Variants in ALG14 observed in about 807,000 individuals in gnomAD.
The protein encoded by ALG14 is ALG14 UDP-N-acetylglucosaminyltransferase subunit, also known as UDP-N-acetylglucosamine transferase subunit ALG14.
A neutral mutation model predicts 22.8 loss-of-function variants in ALG14; 17 were observed. That is an observed-to-expected ratio of 0.75 (90% CI 0.51 to 1.12). ALG14 has a LOEUF of 1.12. Among genes scored for constraint, ALG14 ranks in the 50% most tolerant of loss-of-function variants. ALG14 has a pLI of 0.00. For synonymous variants in ALG14, 89 were observed against 103.7 expected (o/e 0.86, Z 0.86); for missense variants, 288 against 271.8 (o/e 1.06, Z -0.42).
chr1:95,070,414 C>A (rs1308530916), intron 1 of ALG14, among the ~76,000 whole-genome samples: 16 of 152,216 alleles, frequency 1.1e-4, no homozygotes, highest in Non-Finnish European at 1.8e-4. Context: ...CTTCAGAGGG[C>A]AAAAGGGAAG....
chr1:95,055,328 G>A (rs1674888362), intron 2 of ALG14, among the ~76,000 whole-genome samples: 1 of 152,068 alleles, frequency 6.6e-6, no homozygotes, highest in South Asian at 2.1e-4. Flanking sequence ...TTAGAATCTA[G>A]TAAGTAGATC....
intron 3 of ALG14, among the ~76,000 whole-genome samples, chr1:95,016,939 AGG>A (rs1254937803): frequency 5.3e-4 from 61 of 115,068 alleles, no homozygotes; most frequent in African/African-American, 1.9e-3. Context: ...ATTTTGCAAA[AGG>A]GGTGTGTGTG....
chr1:95,006,872 T>C (rs1673233950), intron 3 of ALG14, among the ~76,000 whole-genome samples: 1 of 152,250 alleles, frequency 6.6e-6, no homozygotes, highest in Non-Finnish European at 1.5e-5. Flanking sequence ...TTCCTCCAAC[T>C]GTTTCTTATA....
At chr1:95,057,841 A>G (rs2100826623) in intron 2 of ALG14, among the ~76,000 whole-genome samples, 1 of 152,066 alleles carries the variant, frequency 6.6e-6, no homozygotes, top group Non-Finnish European at 1.5e-5. Context: ...CTAAGGAAAG[A>G]GAATCAAACT....
At chr1:94,997,580 C>T (rs953161315) in intron 3 of ALG14, among the ~76,000 whole-genome samples, 13 of 152,164 alleles carry the variant, frequency 8.5e-5, no homozygotes, top group Admixed American at 1.3e-4. Flanking sequence ...GGATTGCATC[C>T]TGGCTCTACC....
At chr1:95,024,072 T>C (rs1396226084) in intron 3 of ALG14, among the ~76,000 whole-genome samples, 2 of 152,216 alleles carry the variant, frequency 1.3e-5, no homozygotes, top group African/African-American at 4.8e-5. Flanking sequence ...TTCTTCTCCT[T>C]GAAACAAATT....
At chr1:95,044,707 C>T (rs1674489698) in intron 2 of ALG14, among the ~76,000 whole-genome samples, 1 of 152,114 alleles carries the variant, frequency 6.6e-6, no homozygotes, top group Non-Finnish European at 1.5e-5. Flanking sequence ...TTACTATTTT[C>T]TTCTTCACTA....
intron 2 of ALG14, among the ~76,000 whole-genome samples, chr1:95,043,292 T>C (rs1674441453): frequency 6.6e-6 from 1 of 152,136 alleles, no homozygotes; most frequent in Non-Finnish European, 1.5e-5. Context: ...AGGCCCCCCA[T>C]ACACACGTTA....
intron 3 of ALG14, among the ~76,000 whole-genome samples, chr1:95,012,970 T>A (rs937094734): frequency 6.6e-6 from 1 of 151,972 alleles, no homozygotes; most frequent in Non-Finnish European, 1.5e-5. Context: ...CCTTCTCTAC[T>A]AATAATACAA....
intron 2 of ALG14, among the ~76,000 whole-genome samples, chr1:95,033,675 G>A (rs1377736247): frequency 6.6e-6 from 1 of 151,940 alleles, no homozygotes; most frequent in Non-Finnish European, 1.5e-5. Flanking sequence ...GGACCGAAAG[G>A]AGAGAGGAGG....
chr1:95,027,723 C>T lies in ALG14; in HGVS notation c.289-463G>A, dbSNP rs76048699. 3.7e-3 allele frequency among the ~76,000 whole-genome samples: 565 copies of T among 152,290 alleles called. 6 individuals carry two copies. The highest frequency in any genetic ancestry group is 0.013 in the African/African-American group (527 of 41,556). On this transcript the variant is annotated intron_variant, in intron 2 of 3. Coordinates refer to ENST00000370205, the MANE Select transcript of ALG14 (RefSeq NM_144988.4). ...TCATTTTCGCCTACCTGATTGGCAA[C>T]GACAGTGGATAACCAGTGTTGTTGA... is the stretch of plus-strand genomic sequence containing the variant.
At chr1:95,058,659 C>G (rs1675027292) in intron 2 of ALG14, among the ~76,000 whole-genome samples, 1 of 141,082 alleles carries the variant, frequency 7.1e-6, no homozygotes, top group African/African-American at 2.6e-5. Flanking sequence ...GCTGAAAAGA[C>G]TCTGGAAATA....
rs374257282 is a variant in ALG14 at position 94,994,316 on chromosome 1, ATTTT to A, written c.421-11014_421-11011del. ...GGGTTTTAAACCCTACTAACCCAGTATTTTTTCCTTTTGTTTTCTCCACACCCTG... is the reference window on the plus strand; with the variant it reads ...GGGTTTTAAACCCTACTAACCCAGTATTCCTTTTGTTTTCTCCACACCCTG... On this transcript the variant is annotated intron_variant, in intron 3 of 3. Coordinates refer to ENST00000370205, the MANE Select transcript of ALG14 (RefSeq NM_144988.4). Among the ~76,000 whole-genome samples the A allele has an allele frequency of 6.5e-4, 99 of 152,214 alleles. No homozygotes were observed. In the East Asian group the frequency reaches 0.018, roughly 27 times the overall value.
At position 95,046,286 on chromosome 1, in the gene ALG14, C is replaced by T. The variant is rs1272539280; in HGVS notation, c.288+18580G>A. ...GTGGCCTGTTAGGAACCGGGCTGCA[C>T]GGCAGCAGGTGAGTGGCAGGTGAGC... On this transcript the variant is annotated intron_variant, in intron 2 of 3. Coordinates refer to ENST00000370205, the MANE Select transcript of ALG14 (RefSeq NM_144988.4). 3.9e-5 allele frequency among the ~76,000 whole-genome samples: 6 copies of T among 152,294 alleles called. No individual in the cohort carries two copies. In the East Asian group the frequency reaches 5.8e-4, roughly 15 times the overall value.
intron 3 of ALG14, among the ~76,000 whole-genome samples, chr1:95,010,222 A>C (rs1304370583): frequency 6.6e-6 from 1 of 152,194 alleles, no homozygotes; most frequent in African/African-American, 2.4e-5. Context: ...TCTGGAACAA[A>C]CTTTACATAA....
At chr1:95,058,102 A>G (rs1674999897) in intron 2 of ALG14, among the ~76,000 whole-genome samples, 1 of 151,270 alleles carries the variant, frequency 6.6e-6, no homozygotes, top group Non-Finnish European at 1.5e-5. Context: ...CCTGGCCAAC[A>G]TGGTGAAAAC....
At chr1:95,031,291 T>C (rs188091783) in intron 2 of ALG14, among the ~76,000 whole-genome samples, 1 of 152,314 alleles carries the variant, frequency 6.6e-6, no homozygotes, top group East Asian at 1.9e-4. Flanking sequence ...CAGCACAGCC[T>C]GAAGAGTCAA....
At chr1:95,008,567 G>A (rs898651142) in intron 3 of ALG14, among the ~76,000 whole-genome samples, 5 of 152,032 alleles carry the variant, frequency 3.3e-5, no homozygotes, top group Admixed American at 6.6e-5. Flanking sequence ...CAGAAAAAAT[G>A]TAATCTGTAG....
At chr1:95,066,872 A>C (rs1049284991) in intron 1 of ALG14, among the ~76,000 whole-genome samples, 1 of 152,166 alleles carries the variant, frequency 6.6e-6, no homozygotes, top group African/African-American at 2.4e-5. Flanking sequence ...AAAAAGAAAA[A>C]AAAAACAAGT....
Sources: gnomAD v4.1 joint callset for allele counts (sites outside exome capture counted in the v4.1 genomes callset) on GRCh38, gnomAD v4.1.1 for gene constraint, MANE v1.5 for transcripts, NCBI Gene and HGNC (gene_info 2026-07-23, HGNC 2026-07-21) for gene names.